The following ADGRG4 variants were observed in gnomAD, a reference collection of about 807,000 sequenced individuals.
ADGRG4 encodes the protein adhesion G protein-coupled receptor G4.
ADGRG4 carries 122 observed loss-of-function variants against 126.2 expected under a neutral mutation model. The ratio of observed to expected loss-of-function variants is 0.97; its 90% confidence interval spans 0.83 to 1.12. The LOEUF (loss-of-function observed/expected upper bound fraction) is 1.12, where lower values mean the gene tolerates loss of function less well. Ranked by LOEUF, ADGRG4 falls within the 50% of genes most tolerant of loss-of-function variation. ADGRG4 has a pLI of 0.00. For synonymous variants in ADGRG4, 943 were observed against 838.7 expected, an observed-to-expected ratio of 1.12 and a Z score of -2.15; for missense variants, 2,481 against 2,251.8, an observed-to-expected ratio of 1.10 and a Z score of -2.06.
chrX:136,337,900 C>T (rs1015158564), intron 5 of ADGRG4, among the ~76,000 whole-genome samples: 2 of 111,204 alleles, frequency 1.8e-5, no homozygotes, highest in Non-Finnish European at 3.8e-5. Flanking sequence ...TACATTCAGC[C>T]CCACTGTCTT....
At position 136,346,236 on chromosome X, in the gene ADGRG4, GC is replaced by G; in HGVS notation, c.2531del (p.Ala844GlufsTer7). The G allele has an allele frequency of 8.3e-7, 1 of 1,209,685 alleles. No homozygotes were observed. Among genetic ancestry groups the G allele is most frequent in the Non-Finnish European group, 1.1e-6 (1 of 894,455 alleles). On this transcript the variant is annotated frameshift_variant, in exon 6 of 26. Coordinates refer to ENST00000394143, the MANE Select transcript of ADGRG4 (RefSeq NM_153834.4). LOFTEE classifies it high-confidence loss of function. ...AAATGCCACTGTGACAAGAAAAGAA[GC>G]AACTTCCCATTATCTTATGAGAAAA... Reference protein sequence around the residue: ...RLNATVTRKEATSHYLMRKST... With the variant: ...RLNATVTRKEXTSHYLMRKST...
In ADGRG4 at chrX:136,346,418, T is replaced by G. The variant is rs1452704793; in HGVS notation, c.2712T>G (p.Thr904=). 3.3e-6 allele frequency: 4 copies of G among 1,209,518 alleles called. No homozygotes were observed. The highest frequency in any genetic ancestry group is 4.5e-6 in the Non-Finnish European group (4 of 894,691). Residue 904 remains threonine (T), a synonymous_variant, in exon 6 of 26, where the codon ACT becomes ACG. Coordinates refer to ENST00000394143, the MANE Select transcript of ADGRG4 (RefSeq NM_153834.4). Reference sequence around the variant, plus strand: ...CATTGGATAATAAAACTGCAACAACTGAGGTGAGAGAAAGTTGGCTTTTGA... The same window carrying G: ...CATTGGATAATAAAACTGCAACAACGGAGGTGAGAGAAAGTTGGCTTTTGA... ...STPLDNKTAT[T]EVRESWLLTK... is the part of the protein sequence containing the mutation.
rs771736783 is a variant in ADGRG4 at position 136,345,644 on chromosome X, C to T, written c.1938C>T (p.Ala646=). 3.3e-6 allele frequency: 4 copies of T among 1,208,714 alleles called. No individual in the cohort carries two copies. In the South Asian group the frequency reaches 5.3e-5, roughly 16 times the overall value. ...SGPTSTTDEA[A]HLFSSNETIW... ...CCACATCCACAACTGATGAAGCTGC[C>T]CATCTGTTCTCCAGCAATGAGACCA... is the stretch of plus-strand genomic sequence containing the variant. The change falls in exon 6 of 26, where the codon GCC becomes GCT. Residue 646 remains alanine (A), a synonymous_variant. Coordinates refer to ENST00000394143, the MANE Select transcript of ADGRG4 (RefSeq NM_153834.4).
chrX:136,391,804 G>T (rs901894785), intron 16 of ADGRG4, among the ~76,000 whole-genome samples: 1 of 112,463 alleles, frequency 8.9e-6, no homozygotes, highest in Non-Finnish European at 1.9e-5. Context: ...AACAAGAAGT[G>T]GTTTATAACT....
At chrX:136,395,044 A>G (rs1180015721) in intron 18 of ADGRG4, among the ~76,000 whole-genome samples, 3 of 111,136 alleles carry the variant, frequency 2.7e-5, no homozygotes, top group Non-Finnish European at 5.6e-5. Context: ...GTACCAGCTT[A>G]TATTCCATAC....
At chrX:136,352,227 A>G (rs1191406342) in intron 7 of ADGRG4, among the ~76,000 whole-genome samples, 1 of 112,045 alleles carries the variant, frequency 8.9e-6, no homozygotes. Context: ...GCACTTAACC[A>G]TGTATCTTTG....
intron 1 of ADGRG4, among the ~76,000 whole-genome samples, chrX:136,303,557 A>G (rs996421838): frequency 5.3e-5 from 6 of 112,409 alleles, no homozygotes; most frequent in African/African-American, 1.6e-4. Flanking sequence ...GCAAAATAAT[A>G]CTACACACTG....
chrX:136,401,596 CTT>C (rs2075379631), intron 21 of ADGRG4, among the ~76,000 whole-genome samples: 1 of 111,429 alleles, frequency 9.0e-6, no homozygotes, highest in African/African-American at 3.3e-5. Context: ...ATAAGCCACT[CTT>C]ATGTTCAGTT....
In ADGRG4 at chrX:136,371,459, C is replaced by T; in HGVS notation, c.7528C>T (p.Leu2510=). Residue 2510 remains leucine, a synonymous_variant, in exon 14 of 26, where the codon CTA becomes TTA. Transcript: ENST00000394143. ...ISQCDEISMN[L]THVMLQIINV... is the part of the protein sequence containing the mutation. ...ACAATGTGATGAGATAAGTATGAAC[C>T]TAACTCATGTTATGTTACAAATAAT... 1 of 1,189,855 alleles carries T rather than the reference C, an allele frequency of 8.4e-7. No homozygotes were observed. The highest frequency in any genetic ancestry group is 1.1e-6 in the Non-Finnish European group (1 of 879,704).
Position 136,346,310 on chromosome X carries a change from G to C in ADGRG4, c.2604G>C (p.Leu868=). 8.3e-7 allele frequency: 1 copy of C among 1,210,855 alleles called. No homozygotes were observed. The highest frequency in any genetic ancestry group is 1.1e-6 in the Non-Finnish European group (1 of 894,863). The change falls in exon 6 of 26, where the codon CTG becomes CTC. Residue 868 remains leucine (L), a synonymous_variant. Coordinates refer to ENST00000394143, the MANE Select transcript of ADGRG4 (RefSeq NM_153834.4). ...VAEVSPFSTM[L]EVTDESAQRV... is the part of the protein sequence containing the mutation. ...AGGTTTCTCCATTTTCAACAATGCT[G>C]GAAGTGACAGACGAATCAGCACAAA...
At chrX:136,343,248 G>A (rs1450106760) in intron 5 of ADGRG4, among the ~76,000 whole-genome samples, 1 of 110,882 alleles carries the variant, frequency 9.0e-6, no homozygotes, top group Non-Finnish European at 1.9e-5. Flanking sequence ...TGATAGTGTA[G>A]GGCCAGTCAC....
intron 5 of ADGRG4, among the ~76,000 whole-genome samples, chrX:136,325,930 C>T (rs1355162185): frequency 5.4e-5 from 6 of 110,945 alleles, no homozygotes; most frequent in Non-Finnish European, 1.9e-5. Context: ...AGGCTGGTCT[C>T]GAACTCCTGA....
chrX:136,311,981 C>T (rs1272021651), intron 4 of ADGRG4, among the ~76,000 whole-genome samples: 1 of 111,262 alleles, frequency 9.0e-6, no homozygotes, highest in Non-Finnish European at 1.9e-5. Flanking sequence ...ACAGGCATGT[C>T]CCACCCTGCC....
At position 136,346,027 on chromosome X, in the gene ADGRG4, T is replaced by A; in HGVS notation, c.2321T>A (p.Leu774His). 1 of 1,204,234 alleles carries A rather than the reference T, an allele frequency of 8.3e-7. No homozygotes were observed. The highest frequency in any genetic ancestry group is 1.8e-5 in the South Asian group (1 of 56,263). The change falls in exon 6 of 26, where the codon CTT becomes CAT. Residue 774 changes from leucine (L) to histidine (H), a missense_variant. Coordinates refer to ENST00000394143, the MANE Select transcript of ADGRG4 (RefSeq NM_153834.4). ...ATGTCTACAAAACCTGCAAATGAAC[T>A]TCCTTTGACACCAAGGGAGACTGTT... ...IPMSTKPANELPLTPRETVVP... is the reference protein window; with the variant it reads ...IPMSTKPANEHPLTPRETVVP...
intron 25 of ADGRG4, among the ~76,000 whole-genome samples, chrX:136,415,513 G>A (rs1174160948): frequency 3.6e-5 from 4 of 111,536 alleles, no homozygotes; most frequent in African/African-American, 1.3e-4. Flanking sequence ...GTTGACTAGT[G>A]TATAGCATCT....
In ADGRG4 at chrX:136,395,439, T is replaced by C. The variant is rs748662205; in HGVS notation, c.8130T>C (p.Asn2710=). 8.3e-7 allele frequency: 1 copy of C among 1,205,394 alleles called. No homozygotes were observed. Among genetic ancestry groups the C allele is most frequent in the Non-Finnish European group, 1.1e-6 (1 of 890,084 alleles). The change falls in exon 19 of 26, where the codon AAT becomes AAC. Residue 2710 remains asparagine (N), a synonymous_variant. Coordinates refer to ENST00000394143, the MANE Select transcript of ADGRG4 (RefSeq NM_153834.4). ...CAGGCTGTAAAGTAAAGGAAACAAATGTAAATTACACAATCTGTCAGTGTG... is the reference window on the plus strand; with the variant it reads ...CAGGCTGTAAAGTAAAGGAAACAAACGTAAATTACACAATCTGTCAGTGTG... ...NSSGCKVKET[N]VNYTICQCDH... is the part of the protein sequence containing the mutation.
chrX:136,329,503 A>C (rs1419777474), intron 5 of ADGRG4, among the ~76,000 whole-genome samples: 1 of 111,832 alleles, frequency 8.9e-6, no homozygotes, highest in Non-Finnish European at 1.9e-5. Flanking sequence ...AGGCTTATGC[A>C]AATTATTTGT....
chrX:136,303,421 C>T (rs1232081963), intron 1 of ADGRG4, among the ~76,000 whole-genome samples: 1 of 111,207 alleles, frequency 9.0e-6, no homozygotes, highest in African/African-American at 3.3e-5. Context: ...CCAATGTATT[C>T]CAGAATGGGC....
rs180759131 is a variant in ADGRG4, at chrX:136,318,408, G to A, written c.71-4370G>A. ...GCAAACTGAGAGTGAGTGCTTAATG[G>A]GTACAGGGTTTCCTTTTTGGATGAT... On this transcript the variant is annotated intron_variant, in intron 4 of 25. Coordinates refer to ENST00000394143, the MANE Select transcript of ADGRG4 (RefSeq NM_153834.4). Among the ~76,000 whole-genome samples, 64 of 111,937 alleles carry A rather than the reference G, an allele frequency of 5.7e-4. 1 individual carries two copies. Among genetic ancestry groups the A allele is most frequent in the African/African-American group, 2.0e-3 (62 of 30,848 alleles).
Sources: gnomAD v4.1 joint callset for allele counts (sites outside exome capture counted in the v4.1 genomes callset) on GRCh38, gnomAD v4.1.1 for gene constraint, MANE v1.5 for transcripts, NCBI Gene and HGNC (gene_info 2026-07-23, HGNC 2026-07-21) for gene names.